Variants in PTPRN2 observed in about 807,000 individuals in gnomAD.
The protein encoded by PTPRN2 is receptor-type tyrosine-protein phosphatase N2.
A neutral mutation model predicts 118.8 loss-of-function variants in PTPRN2; 74 were observed. That is an observed-to-expected ratio of 0.62 (90% confidence interval 0.52 to 0.76). The LOEUF is 0.76. Ranked by LOEUF, PTPRN2 falls within the 30% of genes least tolerant of loss-of-function variation. The pLI is 0.00. For synonymous variants in PTPRN2, 641 were observed against 608.0 expected, an observed-to-expected ratio of 1.05 and a Z score of -0.80; for missense variants, 1,481 against 1,394.4, an observed-to-expected ratio of 1.06 and a Z score of -0.99.
chr7:158,150,687 C>G (rs891585620), intron 6 of PTPRN2, among the ~76,000 whole-genome samples: 3 of 152,100 alleles, frequency 2.0e-5, no homozygotes, highest in Admixed American at 6.5e-5. Context: ...GAGGTGAGAT[C>G]TGTCATGCAG....
chr7:158,072,322 C>G (rs1040887739), intron 11 of PTPRN2, among the ~76,000 whole-genome samples: 13 of 152,142 alleles, frequency 8.5e-5, no homozygotes, highest in African/African-American at 3.1e-4. Context: ...CCAGGGGACT[C>G]AGATGCCAGC....
intron 6 of PTPRN2, among the ~76,000 whole-genome samples, chr7:158,164,578 T>C (rs1376175731): frequency 1.3e-5 from 2 of 151,532 alleles, no homozygotes; most frequent in African/African-American, 4.9e-5. Flanking sequence ...AGAGCAGGAA[T>C]GCGTCCTATT....
At chr7:157,724,981 A>C (rs944643711) in intron 12 of PTPRN2, among the ~76,000 whole-genome samples, 1 of 152,228 alleles carries the variant, frequency 6.6e-6, no homozygotes, top group African/African-American at 2.4e-5. Context: ...ATATTAACTA[A>C]ATTTTATAAC....
chr7:157,685,056 C>A (rs1399949364), intron 12 of PTPRN2, among the ~76,000 whole-genome samples: 2 of 151,906 alleles, frequency 1.3e-5, no homozygotes, highest in Admixed American at 1.3e-4. Context: ...TCCCGGGGGC[C>A]CGGCCTGCGC....
chr7:158,133,624 C>T, intron 9 of PTPRN2, 53 bp downstream of exon 9: 1 of 1,511,490 alleles, frequency 6.6e-7, no homozygotes, highest in Non-Finnish European at 8.8e-7. Context: ...CTCCAGCCTG[C>T]TGGGACAAGC....
chr7:157,842,233 A>C (rs1294671332), intron 12 of PTPRN2, among the ~76,000 whole-genome samples: 1 of 152,092 alleles, frequency 6.6e-6, no homozygotes, highest in African/African-American at 2.4e-5. Context: ...GGCCTCCCCC[A>C]CACATTCCTG....
Position 157,690,203 on chromosome 7 carries a change from G to C in PTPRN2, c.1789-7266C>G, listed in dbSNP as rs550625322. Among the ~76,000 whole-genome samples the C allele has an allele frequency of 7.9e-5, 12 of 152,324 alleles. No homozygotes were observed. In the South Asian group the frequency reaches 2.5e-3, roughly 32 times the overall value. On this transcript the variant is annotated intron_variant, in intron 12 of 22. Coordinates refer to ENST00000389418, the MANE Select transcript of PTPRN2 (RefSeq NM_002847.5). The surrounding 1 kb of genome is among the most constrained non-coding windows in gnomAD (Gnocchi z 7.1). The stretch of plus-strand genomic sequence containing the variant: ...CCAACCCTCCAAATCTGTGCGCTCA[G>C]AAGGAGCTGCCCTTTGCCCGCTCCT...
chr7:158,004,989 C>T (rs532859379), intron 11 of PTPRN2, among the ~76,000 whole-genome samples: 1 of 152,170 alleles, frequency 6.6e-6, no homozygotes, highest in African/African-American at 2.4e-5. Context: ...ACACCTCCCC[C>T]TTTCCTCACA....
At position 158,424,654 on chromosome 7, in the gene PTPRN2, G is replaced by A. The variant is rs759266040; in HGVS notation, c.163+65081C>T. Among the ~76,000 whole-genome samples the A allele has an allele frequency of 4.6e-5, 7 of 152,378 alleles. No individual in the cohort carries two copies. In the East Asian group the frequency reaches 9.7e-4, roughly 21 times the overall value. ...CCGGGGACTGAGACGCCCGCAGAGC[G>A]CGGCCCTGAGAGCCCTGAGAGCAGA... is the stretch of plus-strand genomic sequence containing the variant. On this transcript the variant is annotated intron_variant, in intron 2 of 22. Coordinates refer to ENST00000389418, the MANE Select transcript of PTPRN2 (RefSeq NM_002847.5).
chr7:157,967,095 G>A lies in PTPRN2; in HGVS notation c.1724-68358C>T, dbSNP rs1801998096. Among the ~76,000 whole-genome samples the A allele has an allele frequency of 2.6e-5, 4 of 152,176 alleles. No individual in the cohort carries two copies. In the South Asian group the frequency reaches 8.3e-4, roughly 32 times the overall value. The stretch of plus-strand genomic sequence containing the variant: ...AACACTTTGTGAGGCTGAGACAGGA[G>A]GATTGCTTGAGACCAGGAGTTTGAG... On this transcript the variant is annotated intron_variant, in intron 11 of 22. Transcript: ENST00000389418.
intron 12 of PTPRN2, among the ~76,000 whole-genome samples, chr7:157,711,684 G>A (rs1277953194): frequency 1.3e-5 from 2 of 152,160 alleles, no homozygotes; most frequent in Non-Finnish European, 2.9e-5. Context: ...ACAAGCCCCC[G>A]GGGTGGCCAA....
At chr7:157,552,775 T>C (rs1281254501) in intron 21 of PTPRN2, among the ~76,000 whole-genome samples, 1 of 152,242 alleles carries the variant, frequency 6.6e-6, no homozygotes, top group Non-Finnish European at 1.5e-5. Context: ...AAGCTCGGGC[T>C]ACAGTGCTGA....
intron 2 of PTPRN2, among the ~76,000 whole-genome samples, chr7:158,446,267 A>G (rs1287831537): frequency 6.6e-6 from 1 of 152,192 alleles, no homozygotes; most frequent in African/African-American, 2.4e-5. Flanking sequence ...AATTACCCCC[A>G]ATCTATAAGC....
chr7:158,247,830 G>T lies in PTPRN2; in HGVS notation c.278-42557C>A, dbSNP rs550819895. On this transcript the variant is annotated intron_variant, in intron 3 of 22. Transcript: ENST00000389418. ...GGGTTTTCCCCATGTTGGCCAGGCT[G>T]GTCTCGAACTCCTCACCTCAGGTGA... 2.0e-5 allele frequency among the ~76,000 whole-genome samples: 3 copies of T among 152,210 alleles called. No individual in the cohort carries two copies. The South Asian group carries it at 6.2e-4, about 32-fold the overall frequency.
intron 2 of PTPRN2, among the ~76,000 whole-genome samples, chr7:158,406,544 A>G (rs1478380350): frequency 3.3e-5 from 5 of 152,224 alleles, no homozygotes; most frequent in Non-Finnish European, 7.3e-5. Context: ...TCATGCCTGG[A>G]GCCCCCTGCA....
At position 158,261,064 on chromosome 7, in the gene PTPRN2, G is replaced by A. The variant is rs535842370; in HGVS notation, c.277+55755C>T. Among the ~76,000 whole-genome samples, 95 of 152,250 alleles carry A rather than the reference G, an allele frequency of 6.2e-4. 1 individual carries two copies. Among genetic ancestry groups the A allele is most frequent in the Admixed American group, 6.2e-3 (95 of 15,296 alleles). The stretch of plus-strand genomic sequence containing the variant: ...GAAGCTGCACTGTGATGGGACCTGG[G>A]GTATCCAGCAAGGGGGGCGTGAGGC... On this transcript the variant is annotated intron_variant, in intron 3 of 22. Coordinates refer to ENST00000389418, the MANE Select transcript of PTPRN2 (RefSeq NM_002847.5).
chr7:158,520,553 CCA>C (rs1194598653), intron 1 of PTPRN2, among the ~76,000 whole-genome samples: 1 of 152,228 alleles, frequency 6.6e-6, no homozygotes, highest in Non-Finnish European at 1.5e-5. Context: ...AGCAGGATCT[CCA>C]GAGAAGGCTC....
At chr7:158,230,509 G>T (rs1329560343) in intron 3 of PTPRN2, among the ~76,000 whole-genome samples, 2 of 152,156 alleles carry the variant, frequency 1.3e-5, no homozygotes, top group Non-Finnish European at 2.9e-5. Context: ...GGAAGTCAAA[G>T]TGTGGGGGGA....
At chr7:158,048,009 T>G (rs574207599) in intron 11 of PTPRN2, among the ~76,000 whole-genome samples, 1 of 152,186 alleles carries the variant, frequency 6.6e-6, no homozygotes, top group South Asian at 2.1e-4. Context: ...TGGGGCCGAA[T>G]TCAGAGCAAC....
Sources: gnomAD v4.1 joint callset for allele counts (sites outside exome capture counted in the v4.1 genomes callset) on GRCh38, gnomAD v4.1.1 for gene constraint, Gnocchi (gnomAD v3.1) non-coding constraint, MANE v1.5 for transcripts, NCBI Gene and HGNC (gene_info 2026-07-23, HGNC 2026-07-21) for gene names.